The following CAMK1D variants were observed in gnomAD, a reference collection of about 807,000 sequenced individuals.
CAMK1D encodes the protein calcium/calmodulin dependent protein kinase ID.
A neutral mutation model predicts 47.7 loss-of-function variants in CAMK1D; 9 were observed. That is an observed-to-expected ratio of 0.19 (90% confidence interval 0.11 to 0.33). The LOEUF is 0.33. Among genes scored for constraint, CAMK1D ranks in the 10% least tolerant of loss-of-function variants. CAMK1D has a pLI of 1.00. For missense variants in CAMK1D, 291 were observed against 488.7 expected (o/e 0.60, Z 3.81); for synonymous variants, 184 against 184.9 (o/e 0.99, Z 0.04).
chr10:12,816,115 G>A (rs756458958), intron 7 of CAMK1D, 135 bp from the exon 8 acceptor site: 3 of 666,358 alleles, frequency 4.5e-6, no homozygotes, highest in South Asian at 1.9e-5. Context: ...TGTGTCCAAG[G>A]TACAGTAGTC....
intron 3 of CAMK1D, among the ~76,000 whole-genome samples, chr10:12,689,690 C>G (rs185850867): frequency 1.3e-5 from 2 of 151,578 alleles, no homozygotes; most frequent in Non-Finnish European, 2.9e-5. Flanking sequence ...GCAGGAGAAT[C>G]GCTTGAACCC....
At chr10:12,695,152 G>A (rs1054667343) in intron 3 of CAMK1D, among the ~76,000 whole-genome samples, 3 of 151,994 alleles carry the variant, frequency 2.0e-5, no homozygotes, top group African/African-American at 7.3e-5. Flanking sequence ...CCTAATATAG[G>A]AGCTTATATT....
chr10:12,546,126 A>G (rs747546270), intron 1 of CAMK1D, among the ~76,000 whole-genome samples: 5 of 152,218 alleles, frequency 3.3e-5, no homozygotes, highest in African/African-American at 7.2e-5. Context: ...CAAAGATTTA[A>G]GTAGGGTAAT....
chr10:12,620,971 G>T (rs1305807390), intron 2 of CAMK1D, among the ~76,000 whole-genome samples: 2 of 152,154 alleles, frequency 1.3e-5, no homozygotes, highest in African/African-American at 2.4e-5. Flanking sequence ...CAAAAGAAAA[G>T]GTTTACTTTT....
At chr10:12,408,915 G>A (rs1463499609) in intron 1 of CAMK1D, among the ~76,000 whole-genome samples, 1 of 145,800 alleles carries the variant, frequency 6.9e-6, no homozygotes, top group East Asian at 2.0e-4. Context: ...GTGCAGTGGC[G>A]CGATCTCAGC....
chr10:12,419,771 C>T (rs1235770509), intron 1 of CAMK1D, among the ~76,000 whole-genome samples: 8 of 152,022 alleles, frequency 5.3e-5, no homozygotes, highest in Admixed American at 6.6e-5. Flanking sequence ...TGGGTTTTCT[C>T]GTTAGGTTTT....
At chr10:12,523,624 A>G (rs1215344305) in intron 1 of CAMK1D, among the ~76,000 whole-genome samples, 2 of 152,210 alleles carry the variant, frequency 1.3e-5, no homozygotes, top group Non-Finnish European at 2.9e-5. Flanking sequence ...TCACGCCTGC[A>G]ATCGCAGGCA....
At chr10:12,540,500 T>C (rs1836131207) in intron 1 of CAMK1D, among the ~76,000 whole-genome samples, 1 of 152,190 alleles carries the variant, frequency 6.6e-6, no homozygotes, top group Non-Finnish European at 1.5e-5. Context: ...GTGAGGCTGT[T>C]AACAGTAAAG....
At chr10:12,424,002 A>T (rs1026988800) in intron 1 of CAMK1D, among the ~76,000 whole-genome samples, 3 of 152,006 alleles carry the variant, frequency 2.0e-5, no homozygotes, top group Non-Finnish European at 4.4e-5. Context: ...CTTCAAGGCC[A>T]CCCATCTCGC....
chr10:12,462,074 A>C (rs1360440286), intron 1 of CAMK1D, among the ~76,000 whole-genome samples: 1 of 151,802 alleles, frequency 6.6e-6, no homozygotes, highest in Non-Finnish European at 1.5e-5. Flanking sequence ...TGTTCTGTCG[A>C]AGTCCAAATT....
At chr10:12,626,395 C>A (rs1839213969) in intron 2 of CAMK1D, among the ~76,000 whole-genome samples, 1 of 151,812 alleles carries the variant, frequency 6.6e-6, no homozygotes, top group Non-Finnish European at 1.5e-5. Flanking sequence ...CTTCCCAGCT[C>A]TTTGATTCTG....
intron 7 of CAMK1D, among the ~76,000 whole-genome samples, chr10:12,814,779 T>G: frequency 6.6e-6 from 1 of 152,078 alleles, no homozygotes. Context: ...ATTAACAAAC[T>G]CACAGCAGAC....
At chr10:12,815,873 A>G (rs531864209) in intron 7 of CAMK1D, among the ~76,000 whole-genome samples, 1 of 152,354 alleles carries the variant, frequency 6.6e-6, no homozygotes, top group Non-Finnish European at 1.5e-5. Flanking sequence ...AATCAGCCAC[A>G]TTTAACACAT....
chr10:12,400,122 C>T (rs903434310), intron 1 of CAMK1D, among the ~76,000 whole-genome samples: 3 of 152,118 alleles, frequency 2.0e-5, no homozygotes, highest in African/African-American at 2.4e-5. Context: ...CTGGATGTTA[C>T]GACTTTAGGA....
At chr10:12,384,474 T>TAGCTTGATTACTAAAACCA (rs1838431754) in intron 1 of CAMK1D, among the ~76,000 whole-genome samples, 1 of 152,210 alleles carries the variant, frequency 6.6e-6, no homozygotes, top group Non-Finnish European at 1.5e-5. Context: ...CAAGACAGTG[T>TAGCTTGATTACTAAAACCA]GGTCCTGGTG....
chr10:12,726,967 G>A (rs951775173), intron 3 of CAMK1D, among the ~76,000 whole-genome samples: 1 of 152,212 alleles, frequency 6.6e-6, no homozygotes, highest in Admixed American at 6.5e-5. Context: ...GGTGAGGAGC[G>A]GCTGTATTCA....
intron 1 of CAMK1D, among the ~76,000 whole-genome samples, chr10:12,522,738 C>G (rs911304262): frequency 6.6e-6 from 1 of 151,404 alleles, no homozygotes; most frequent in African/African-American, 2.4e-5. Flanking sequence ...GGGTGGTGGC[C>G]GGGCAGAGGG....
chr10:12,511,753 A>G (rs1359459631), intron 1 of CAMK1D, among the ~76,000 whole-genome samples: 1 of 152,270 alleles, frequency 6.6e-6, no homozygotes, highest in Non-Finnish European at 1.5e-5. Context: ...GTGCTGCAGT[A>G]TGCAGAACCC....
At chr10:12,784,198 ATT>A (rs71386119) in intron 5 of CAMK1D, among the ~76,000 whole-genome samples, 74 of 136,028 alleles carry the variant, frequency 5.4e-4, no homozygotes, top group African/African-American at 1.7e-3. Context: ...GAGAAAAGGT[ATT>A]TTTTTTTTTT....
Sources: allele counts gnomAD v4.1 joint callset (sites outside exome capture counted in the v4.1 genomes callset), GRCh38; gene constraint gnomAD v4.1.1; transcripts MANE v1.5; gene names NCBI Gene and HGNC (gene_info 2026-07-23, HGNC 2026-07-21).